The following ERBB4 variants were observed in gnomAD, a reference collection of about 807,000 sequenced individuals.
ERBB4 encodes receptor tyrosine-protein kinase erbB-4.
ERBB4 carries 42 observed loss-of-function variants against 158.0 expected under a neutral mutation model. That is an observed-to-expected ratio of 0.27 (90% CI 0.21 to 0.34). The LOEUF is 0.34. Ranked by LOEUF, ERBB4 falls within the 10% of genes least tolerant of loss-of-function variation. The pLI is 1.00. For synonymous variants in ERBB4, 583 were observed against 558.7 expected (o/e 1.04, Z -0.61); for missense variants, 1,333 against 1,624.1 (o/e 0.82, Z 3.08).
intron 16 of ERBB4, among the ~76,000 whole-genome samples, chr2:211,653,967 C>T (rs1299552868): frequency 6.6e-6 from 1 of 152,178 alleles, no homozygotes. Context: ...AGCCACCGCG[C>T]CCTGCCCAAA....
At chr2:211,577,507 A>G (rs1413242740) in intron 19 of ERBB4, among the ~76,000 whole-genome samples, 4 of 152,138 alleles carry the variant, frequency 2.6e-5, no homozygotes, top group Non-Finnish European at 4.4e-5. Flanking sequence ...AGATACAACA[A>G]AAAAAGAAAA....
chr2:212,131,545 A>G lies in ERBB4; in HGVS notation c.83-6642T>C, dbSNP rs2080107743. On this transcript the variant is annotated intron_variant, in intron 1 of 27. Transcript: ENST00000342788. ...ATTGAATTGGAAGTGACTGCCGTGC[A>G]GCCACTTTGGGCTCCTCATTCCTTT... 3.3e-5 allele frequency among the ~76,000 whole-genome samples: 5 copies of G among 152,310 alleles called. No homozygotes were observed. The South Asian group carries it at 1.0e-3, about 32-fold the overall frequency.
At chr2:212,151,289 A>G (rs2080860488) in intron 1 of ERBB4, among the ~76,000 whole-genome samples, 1 of 150,780 alleles carries the variant, frequency 6.6e-6, no homozygotes, top group African/African-American at 2.4e-5. Context: ...ATAGGGGTTT[A>G]ATATATATAT....
intron 1 of ERBB4, among the ~76,000 whole-genome samples, chr2:212,530,104 T>C (rs111620253): frequency 6.6e-5 from 10 of 152,174 alleles, no homozygotes; most frequent in African/African-American, 2.4e-4. Flanking sequence ...AATGGTAATC[T>C]GACAGTGACA....
At chr2:212,345,183 G>A (rs946442615) in intron 1 of ERBB4, among the ~76,000 whole-genome samples, 3 of 148,332 alleles carry the variant, frequency 2.0e-5, no homozygotes, top group Admixed American at 6.8e-5. Context: ...GGAGAATGGC[G>A]TGAACCCGGG....
chr2:212,151,751 T>G (rs554676897), intron 1 of ERBB4, among the ~76,000 whole-genome samples: 1 of 152,104 alleles, frequency 6.6e-6, no homozygotes, highest in South Asian at 2.1e-4. Context: ...CAGCTGGGCA[T>G]GGTGGCACAT....
intron 1 of ERBB4, among the ~76,000 whole-genome samples, chr2:212,389,116 T>A (rs2090771549): frequency 6.6e-6 from 1 of 152,088 alleles, no homozygotes; most frequent in Non-Finnish European, 1.5e-5. Context: ...AGGTGGCAGT[T>A]TCACAAGCAA....
At chr2:212,227,192 C>A (rs1268027860) in intron 1 of ERBB4, among the ~76,000 whole-genome samples, 4 of 150,716 alleles carry the variant, frequency 2.7e-5, no homozygotes, top group African/African-American at 9.8e-5. Flanking sequence ...TTGCAGTGAG[C>A]CAAGATCAGA....
intron 1 of ERBB4, among the ~76,000 whole-genome samples, chr2:212,430,209 G>A (rs543752052): frequency 6.6e-6 from 1 of 152,182 alleles, no homozygotes; most frequent in Non-Finnish European, 1.5e-5. Context: ...CATACGATGT[G>A]CTTTATTTAA....
chr2:211,904,323 C>T (rs1360885192), intron 3 of ERBB4, among the ~76,000 whole-genome samples: 1 of 152,094 alleles, frequency 6.6e-6, no homozygotes, highest in East Asian at 1.9e-4. Flanking sequence ...CATTCTTGAA[C>T]AGTAGCTCTC....
chr2:212,318,391 A>G (rs1350336268), intron 1 of ERBB4, among the ~76,000 whole-genome samples: 1 of 151,620 alleles, frequency 6.6e-6, no homozygotes, highest in Non-Finnish European at 1.5e-5. Flanking sequence ...ATGAGGAAAG[A>G]ACTTTTTCCC....
At chr2:211,898,177 T>A (rs1019548965) in intron 3 of ERBB4, among the ~76,000 whole-genome samples, 1 of 152,112 alleles carries the variant, frequency 6.6e-6, no homozygotes, top group Admixed American at 6.6e-5. Flanking sequence ...ATAATATTTA[T>A]TTTTATTTTC....
chr2:212,424,503 C>G (rs1364592657), intron 1 of ERBB4, among the ~76,000 whole-genome samples: 1 of 152,072 alleles, frequency 6.6e-6, no homozygotes, highest in Non-Finnish European at 1.5e-5. Context: ...AAGAGAACAA[C>G]TTTTCAAGGC....
At chr2:211,924,034 T>C (rs569980490) in intron 3 of ERBB4, among the ~76,000 whole-genome samples, 1 of 152,210 alleles carries the variant, frequency 6.6e-6, no homozygotes, top group Non-Finnish European at 1.5e-5. Context: ...AACCTAAATT[T>C]TAAATTGAAT....
At chr2:212,207,087 A>G (rs2082787122) in intron 1 of ERBB4, among the ~76,000 whole-genome samples, 1 of 152,094 alleles carries the variant, frequency 6.6e-6, no homozygotes, top group Non-Finnish European at 1.5e-5. Context: ...GAATTCATAA[A>G]CTGAAATTGT....
intron 1 of ERBB4, among the ~76,000 whole-genome samples, chr2:212,439,171 A>G (rs1050800148): frequency 3.9e-5 from 6 of 152,150 alleles, no homozygotes; most frequent in Non-Finnish European, 7.4e-5. Flanking sequence ...TTGCTGAGAT[A>G]GGCTCAAATT....
At chr2:212,509,524 T>C (rs780205417) in intron 1 of ERBB4, among the ~76,000 whole-genome samples, 12 of 152,086 alleles carry the variant, frequency 7.9e-5, no homozygotes, top group Admixed American at 5.9e-4. Context: ...TGTTCTGTGA[T>C]CCTACATCAT....
chr2:211,861,928 A>G lies in ERBB4; in HGVS notation c.422-73769T>C, dbSNP rs190254762. The stretch of plus-strand genomic sequence containing the variant: ...AAAGCCAGCAAATGATCTTTTAAAA[A>G]ATTTTAAAGCATAAATGGGTAAAGT... On this transcript the variant is annotated intron_variant, in intron 3 of 27. Transcript: ENST00000342788. Among the ~76,000 whole-genome samples the G allele has an allele frequency of 2.6e-3, 385 of 147,276 alleles. 5 individuals are homozygous for G. The highest frequency in any genetic ancestry group is 3.5e-3 in the Middle Eastern group (1 of 288).
chr2:211,498,297 AC>A (rs2125586027), intron 20 of ERBB4, among the ~76,000 whole-genome samples: 1 of 152,234 alleles, frequency 6.6e-6, no homozygotes, highest in South Asian at 2.1e-4. Context: ...TAGGTATTCA[AC>A]ACCCCTAAAG....
Sources: gnomAD v4.1 joint callset for allele counts (sites outside exome capture counted in the v4.1 genomes callset) on GRCh38, gnomAD v4.1.1 for gene constraint, MANE v1.5 for transcripts, NCBI Gene and HGNC (gene_info 2026-07-23, HGNC 2026-07-21) for gene names.